The following SH3GL3 variants were observed in gnomAD, a reference collection of about 807,000 sequenced individuals.
SH3GL3 encodes SH3 domain containing GRB2 like 3, endophilin A3.
Under a neutral mutation model 47.7 loss-of-function variants are expected in SH3GL3, and 33 were observed. The ratio of observed to expected loss-of-function variants is 0.69; its 90% CI spans 0.52 to 0.92. The LOEUF is 0.92. SH3GL3 is among the 40% of genes least tolerant of loss of function. The probability of loss-of-function intolerance (pLI) is 0.00; values close to 1 mark genes in which losing one functional copy is unlikely to be tolerated. For synonymous variants in SH3GL3, 155 were observed against 148.8 expected (o/e 1.04, Z -0.30); for missense variants, 363 against 417.8 (o/e 0.87, Z 1.14).
intron 1 of SH3GL3, among the ~76,000 whole-genome samples, chr15:83,558,538 C>G (rs1274610524): frequency 2.0e-5 from 3 of 151,452 alleles, no homozygotes; most frequent in Non-Finnish European, 4.4e-5. Flanking sequence ...TAGTACTGGC[C>G]TTTAGCAAGC....
chr15:83,607,925 G>C (rs2060569814), intron 8 of SH3GL3, among the ~76,000 whole-genome samples: 1 of 151,576 alleles, frequency 6.6e-6, no homozygotes, highest in Non-Finnish European at 1.5e-5. Context: ...ATTGGACCTG[G>C]TTGCAATAGA....
At chr15:83,461,189 T>C (rs181326935) in intron 1 of SH3GL3, among the ~76,000 whole-genome samples, 3 of 152,346 alleles carry the variant, frequency 2.0e-5, no homozygotes, top group Non-Finnish European at 4.4e-5. Context: ...ATTCTAAATT[T>C]TTGTCATCCA....
At chr15:83,632,908 C>T in the SH3GL3 span, among the ~76,000 whole-genome samples, 1 of 152,022 alleles carries the variant, frequency 6.6e-6, no homozygotes, top group Non-Finnish European at 1.5e-5. Flanking sequence ...AGACACGCCA[C>T]AAAAGAAGAT....
intron 1 of SH3GL3, among the ~76,000 whole-genome samples, chr15:83,505,768 G>T (rs1400723246): frequency 3.3e-5 from 5 of 152,148 alleles, no homozygotes; most frequent in Non-Finnish European, 7.4e-5. Context: ...GACCTCAGGT[G>T]ATCTGCCTGC....
At chr15:83,474,804 G>A (rs1339428042) in intron 1 of SH3GL3, among the ~76,000 whole-genome samples, 4 of 152,160 alleles carry the variant, frequency 2.6e-5, no homozygotes, top group Non-Finnish European at 5.9e-5. Context: ...CAGAATGTGA[G>A]AGCTCTGGCA....
chr15:83,494,296 T>G (rs1257620956), intron 1 of SH3GL3, among the ~76,000 whole-genome samples: 1 of 152,188 alleles, frequency 6.6e-6, no homozygotes, highest in Non-Finnish European at 1.5e-5. Flanking sequence ...TGGAACAGGT[T>G]GGGTGAGGGT....
intron 8 of SH3GL3, among the ~76,000 whole-genome samples, chr15:83,594,911 G>C (rs958676337): frequency 1.3e-5 from 2 of 152,176 alleles, no homozygotes; most frequent in Non-Finnish European, 2.9e-5. Flanking sequence ...TGGCAATGTA[G>C]ATTAGTTCAG....
chr15:83,507,573 C>A (rs1220803423), intron 1 of SH3GL3, among the ~76,000 whole-genome samples: 3 of 152,048 alleles, frequency 2.0e-5, no homozygotes, highest in Middle Eastern at 3.4e-3. Flanking sequence ...TGTCACCACG[C>A]CTGGCTAATT....
chr15:83,479,652 G>A (rs1596064069), intron 1 of SH3GL3, among the ~76,000 whole-genome samples: 1 of 152,150 alleles, frequency 6.6e-6, no homozygotes, highest in South Asian at 2.1e-4. Flanking sequence ...TGGCACATGG[G>A]CTAATGTTCC....
chr15:83,472,047 C>A (rs979874558), intron 1 of SH3GL3, among the ~76,000 whole-genome samples: 2 of 152,152 alleles, frequency 1.3e-5, no homozygotes, highest in African/African-American at 4.8e-5. Context: ...CCACACCTGG[C>A]TAATTTTTGT....
intron 2 of SH3GL3, among the ~76,000 whole-genome samples, chr15:83,562,033 ACACACACACACACACACACACACACACAC>A (rs1566988993): frequency 6.9e-4 from 34 of 49,440 alleles, no homozygotes; most frequent in African/African-American, 2.4e-3. Context: ...CACACACAAC[ACACACACACACACACACACACACACACAC>A]ACACACACAC....
chr15:83,470,845 C>A (rs574605752), intron 1 of SH3GL3, among the ~76,000 whole-genome samples: 24 of 152,210 alleles, frequency 1.6e-4, no homozygotes, highest in Admixed American at 3.9e-4. Flanking sequence ...CATACACACA[C>A]ACGTTATCAA....
At chr15:83,535,092 A>G (rs1359589151) in intron 1 of SH3GL3, among the ~76,000 whole-genome samples, 1 of 140,534 alleles carries the variant, frequency 7.1e-6, no homozygotes, top group Non-Finnish European at 1.6e-5. Context: ...AATACCATCT[A>G]TGTAAAAAAA....
At chr15:83,595,819 A>G (rs1045796404) in intron 8 of SH3GL3, among the ~76,000 whole-genome samples, 10 of 152,172 alleles carry the variant, frequency 6.6e-5, no homozygotes, top group African/African-American at 2.2e-4. Context: ...CTTTTAAGAT[A>G]TATAGAATTT....
intron 8 of SH3GL3, among the ~76,000 whole-genome samples, chr15:83,609,838 C>T (rs2151842581): frequency 6.6e-6 from 1 of 152,268 alleles, no homozygotes; most frequent in East Asian, 1.9e-4. Context: ...AACAGGCTTC[C>T]AGATCCTGGC....
intron 1 of SH3GL3, among the ~76,000 whole-genome samples, chr15:83,531,623 G>A (rs2043678939): frequency 6.6e-6 from 1 of 152,248 alleles, no homozygotes; most frequent in African/African-American, 2.4e-5. Flanking sequence ...ATCACTTTGG[G>A]GAATAGCATT....
At chr15:83,548,124 T>C (rs2044494079) in intron 1 of SH3GL3, among the ~76,000 whole-genome samples, 1 of 151,754 alleles carries the variant, frequency 6.6e-6, no homozygotes, top group Non-Finnish European at 1.5e-5. Flanking sequence ...GAATAGACCA[T>C]ACAACAAGAG....
intron 5 of SH3GL3, among the ~76,000 whole-genome samples, chr15:83,574,362 C>T (rs2151775077): frequency 6.6e-6 from 1 of 152,172 alleles, no homozygotes; most frequent in East Asian, 1.9e-4. Flanking sequence ...TCCTCTTCTT[C>T]CATCTCAGGG....
chr15:83,596,168 T>G (rs991180923), intron 8 of SH3GL3, among the ~76,000 whole-genome samples: 2 of 152,224 alleles, frequency 1.3e-5, no homozygotes, highest in Non-Finnish European at 2.9e-5. Context: ...TTTCCACATA[T>G]GTGGATATTT....
Sources: gnomAD v4.1 joint callset for allele counts (sites outside exome capture counted in the v4.1 genomes callset) on GRCh38, gnomAD v4.1.1 for gene constraint, MANE v1.5 for transcripts, NCBI Gene and HGNC (gene_info 2026-07-23, HGNC 2026-07-21) for gene names.